RBFOX3: variants seen among roughly 807,000 people sequenced by gnomAD.
RBFOX3 encodes the protein RNA binding protein fox-1 homolog 3.
In RBFOX3, 17 loss-of-function variants were observed where a neutral mutation model predicts 48.7. The ratio of observed to expected loss-of-function variants is 0.35; its 90% CI spans 0.24 to 0.52. The LOEUF is 0.52. RBFOX3 is among the 20% of genes least tolerant of loss of function. The probability of loss-of-function intolerance (pLI) is 0.94; values close to 1 mark genes in which losing one functional copy is unlikely to be tolerated. For synonymous variants in RBFOX3, 212 were observed against 209.5 expected (o/e 1.01, Z -0.10); for missense variants, 382 against 497.5 (o/e 0.77, Z 2.21).
At chr17:79,478,244 G>A (rs201667972) in intron 2 of RBFOX3, among the ~76,000 whole-genome samples, 77 of 152,308 alleles carry the variant, frequency 5.1e-4, no homozygotes, top group East Asian at 3.5e-3. Context: ...CAGGAAGCAC[G>A]CTCATTTGGA....
intron 4 of RBFOX3, among the ~76,000 whole-genome samples, chr17:79,166,031 C>T (rs1187694577): frequency 6.6e-6 from 1 of 152,208 alleles, no homozygotes; most frequent in African/African-American, 2.4e-5. Flanking sequence ...GAAACTGAGG[C>T]CCAGGGAGCT....
rs1158616421 is a variant in RBFOX3, at chr17:79,482,944, C to T, written c.-319-346G>A. Reference sequence around the variant, plus strand: ...CCCCACCACGCTGGCCCCTCCCCATCGCCTTTCCCACTACCGCCCGCTCTT... The same window carrying T: ...CCCCACCACGCTGGCCCCTCCCCATTGCCTTTCCCACTACCGCCCGCTCTT... On this transcript the variant is annotated intron_variant, in intron 1 of 14. Coordinates refer to ENST00000693108, the MANE Select transcript of RBFOX3 (RefSeq NM_001350451.2). The surrounding 1 kb of genome is among the most constrained non-coding windows in gnomAD (Gnocchi z 4.1). Among the ~76,000 whole-genome samples the T allele has an allele frequency of 1.3e-5, 2 of 151,926 alleles. No individual in the cohort carries two copies. Among genetic ancestry groups the T allele is most frequent in the African/African-American group, 2.4e-5 (1 of 41,332 alleles).
intron 2 of RBFOX3, among the ~76,000 whole-genome samples, chr17:79,439,633 G>A (rs1256851592): frequency 9.2e-5 from 14 of 152,160 alleles, no homozygotes; most frequent in African/African-American, 1.9e-4. Flanking sequence ...CAGCTCACAC[G>A]CACACTGCAC....
chr17:79,468,933 C>T (rs1291204220), intron 2 of RBFOX3, among the ~76,000 whole-genome samples: 12 of 116,090 alleles, frequency 1.0e-4, no homozygotes, highest in East Asian at 8.1e-4. Flanking sequence ...CAGATAGAGA[C>T]GGGAGGATGG....
At chr17:79,353,201 G>A (rs542890136) in intron 2 of RBFOX3, among the ~76,000 whole-genome samples, 1 of 152,222 alleles carries the variant, frequency 6.6e-6, no homozygotes, top group Non-Finnish European at 1.5e-5. Flanking sequence ...GGGCCTCTGC[G>A]GCTGCTGTGG....
intron 3 of RBFOX3, among the ~76,000 whole-genome samples, chr17:79,248,319 C>T (rs117737320): frequency 0.36 from 54,444 of 151,692 alleles, 10,868 homozygotes; most frequent in Middle Eastern, 0.57. Context: ...CTGCAACCTC[C>T]ACTCCCGGGT....
At chr17:79,163,179 A>G (rs1022436710) in intron 4 of RBFOX3, among the ~76,000 whole-genome samples, 2 of 152,218 alleles carry the variant, frequency 1.3e-5, no homozygotes, top group Admixed American at 1.3e-4. Flanking sequence ...CCAGGACCCT[A>G]GCCGGGTCCC....
Position 79,553,698 on chromosome 17 carries a change from T to G in RBFOX3, c.-320+57128A>C, listed in dbSNP as rs1021182231. Among the ~76,000 whole-genome samples, 343 of 152,246 alleles carry G rather than the reference T, an allele frequency of 2.3e-3. 1 individual carries two copies. The highest frequency in any genetic ancestry group is 7.7e-3 in the African/African-American group (322 of 41,550). On this transcript the variant is annotated intron_variant, in intron 1 of 14. Transcript: ENST00000693108. Reference sequence around the variant, plus strand: ...CTTATTATTCCTCATTATGTGTTCCTTGGGTTTTCTTGGGGTTTTTTTGTT... The same window carrying G: ...CTTATTATTCCTCATTATGTGTTCCGTGGGTTTTCTTGGGGTTTTTTTGTT...
the RBFOX3 span, among the ~76,000 whole-genome samples, chr17:79,622,216 C>T: frequency 6.6e-6 from 1 of 152,212 alleles, no homozygotes; most frequent in Non-Finnish European, 1.5e-5. Flanking sequence ...CAGCCAGACT[C>T]ACATCTTGGC....
intron 4 of RBFOX3, among the ~76,000 whole-genome samples, chr17:79,174,286 A>G (rs1478108325): frequency 6.6e-6 from 1 of 152,028 alleles, no homozygotes; most frequent in Non-Finnish European, 1.5e-5. Context: ...GCACTCACAT[A>G]CATGCCACAT....
intron 2 of RBFOX3, among the ~76,000 whole-genome samples, chr17:79,309,977 C>T (rs2076619677): frequency 6.6e-6 from 1 of 152,206 alleles, no homozygotes; most frequent in South Asian, 2.1e-4. Flanking sequence ...GTAGTGCCAT[C>T]ATTGTCTTCA....
chr17:79,601,028 C>T (rs891476983), intron 1 of RBFOX3: 2 of 152,420 alleles, frequency 1.3e-5, no homozygotes. Context: ...AGCAAGCAGC[C>T]GACATGGCCA....
At chr17:79,296,887 C>G (rs1409871956) in intron 3 of RBFOX3, among the ~76,000 whole-genome samples, 1 of 130,950 alleles carries the variant, frequency 7.6e-6, no homozygotes, top group Admixed American at 7.6e-5. Context: ...CCTCCTCTCC[C>G]TCTTCTCCTC....
At chr17:79,617,336 C>A in the RBFOX3 span, among the ~76,000 whole-genome samples, 3 of 152,134 alleles carry the variant, frequency 2.0e-5, no homozygotes, top group African/African-American at 7.2e-5. Flanking sequence ...CAGAAGCACC[C>A]CTAGATGCTC....
intron 2 of RBFOX3, among the ~76,000 whole-genome samples, chr17:79,352,677 T>G (rs1011139629): frequency 2.0e-5 from 3 of 152,142 alleles, no homozygotes; most frequent in African/African-American, 7.2e-5. Flanking sequence ...CCACACCTCC[T>G]AGGGTTCCCT....
chr17:79,176,894 C>T (rs1211260807), intron 4 of RBFOX3, among the ~76,000 whole-genome samples: 5 of 152,166 alleles, frequency 3.3e-5, no homozygotes, highest in Non-Finnish European at 1.5e-5. Context: ...GGGTTAAGGC[C>T]GGTTAGGAAG....
chr17:79,379,405 C>G (rs1281445891), intron 2 of RBFOX3, among the ~76,000 whole-genome samples: 1 of 152,152 alleles, frequency 6.6e-6, no homozygotes, highest in Non-Finnish European at 1.5e-5. Context: ...TCTGATTCTA[C>G]CCCGTTTTCG....
At chr17:79,153,152 G>A (rs1342438080) in intron 4 of RBFOX3, among the ~76,000 whole-genome samples, 1 of 152,158 alleles carries the variant, frequency 6.6e-6, no homozygotes, top group Non-Finnish European at 1.5e-5. Context: ...CCCGACCCTT[G>A]GCCCTGTTCT....
At chr17:79,503,996 G>A (rs1449995494) in intron 1 of RBFOX3, among the ~76,000 whole-genome samples, 1 of 67,984 alleles carries the variant, frequency 1.5e-5, no homozygotes, top group Non-Finnish European at 3.8e-5. Context: ...GGTGGGCGGG[G>A]TGGCAGGGTG....
Sources: allele counts gnomAD v4.1 joint callset (sites outside exome capture counted in the v4.1 genomes callset), GRCh38; gene constraint gnomAD v4.1.1; non-coding constraint Gnocchi (gnomAD v3.1); transcripts MANE v1.5; gene names NCBI Gene and HGNC (gene_info 2026-07-23, HGNC 2026-07-21).